Variants in EFCAB6 observed in about 807,000 individuals in gnomAD.
EFCAB6 encodes EF-hand calcium-binding domain-containing protein 6.
EFCAB6 carries 156 observed loss-of-function variants against 169.8 expected under a neutral mutation model. That is an observed-to-expected ratio of 0.92 (90% CI 0.81 to 1.05). The LOEUF is 1.05. EFCAB6 is among the 50% of genes least tolerant of loss of function. The pLI is 0.00. For missense variants in EFCAB6, 1,800 were observed against 1,829.1 expected, an observed-to-expected ratio of 0.98 and a Z score of 0.29; for synonymous variants, 698 against 676.4, an observed-to-expected ratio of 1.03 and a Z score of -0.50.
intron 19 of EFCAB6, among the ~76,000 whole-genome samples, chr22:43,627,150 C>G (rs577177750): frequency 6.6e-6 from 1 of 152,144 alleles, no homozygotes; most frequent in Non-Finnish European, 1.5e-5. Context: ...TTTCGATGAC[C>G]GTGATAGAGA....
chr22:43,699,263 G>C (rs2058683047), intron 10 of EFCAB6, among the ~76,000 whole-genome samples: 1 of 152,172 alleles, frequency 6.6e-6, no homozygotes, highest in Non-Finnish European at 1.5e-5. Flanking sequence ...AGAGGAGAAA[G>C]AAGTGAACTA....
intron 26 of EFCAB6, among the ~76,000 whole-genome samples, chr22:43,566,978 C>T (rs528737944): frequency 3.2e-4 from 48 of 152,264 alleles, no homozygotes; most frequent in African/African-American, 1.0e-3. Flanking sequence ...GAAGCACTAA[C>T]TCTCCTCCCA....
At chr22:43,685,616 C>T (rs554518343) in intron 11 of EFCAB6, among the ~76,000 whole-genome samples, 8 of 152,262 alleles carry the variant, frequency 5.3e-5, no homozygotes, top group African/African-American at 1.9e-4. Flanking sequence ...AAGATCTTGG[C>T]TCTTTGGGCA....
At chr22:43,556,667 T>C (rs1343268638) in intron 26 of EFCAB6, among the ~76,000 whole-genome samples, 1 of 152,234 alleles carries the variant, frequency 6.6e-6, no homozygotes, top group Non-Finnish European at 1.5e-5. Flanking sequence ...GTCTACATAA[T>C]GTATAAAGTC....
At chr22:43,791,600 G>C (rs1031341240) in intron 2 of EFCAB6, among the ~76,000 whole-genome samples, 1 of 152,102 alleles carries the variant, frequency 6.6e-6, no homozygotes, top group Admixed American at 6.6e-5. Flanking sequence ...GTTCTAAGGA[G>C]GAGGGTTGAT....
chr22:43,779,865 C>A (rs2061758485), intron 3 of EFCAB6, among the ~76,000 whole-genome samples: 1 of 152,052 alleles, frequency 6.6e-6, no homozygotes, highest in African/African-American at 2.4e-5. Flanking sequence ...ATAGAAGGTT[C>A]ACATTTTCAA....
At chr22:43,724,524 C>T (rs546418569) in intron 8 of EFCAB6, among the ~76,000 whole-genome samples, 19 of 151,938 alleles carry the variant, frequency 1.3e-4, no homozygotes, top group Admixed American at 7.2e-4. Flanking sequence ...CACGCCACCA[C>T]GCCCAGCTAA....
rs1363027019 is a variant in EFCAB6, at chr22:43,744,078, TG to T, written c.508-8086del. On this transcript the variant is annotated intron_variant, in intron 6 of 31. Coordinates refer to ENST00000262726, the MANE Select transcript of EFCAB6 (RefSeq NM_022785.4). The surrounding 1 kb of genome is among the most constrained non-coding windows in gnomAD (Gnocchi z 4.3). ...ATGCATGGATGGATGAACGGATGAATGGATGAATGATGAATGAATGAATGAA... is the reference window on the plus strand; with the variant it reads ...ATGCATGGATGGATGAACGGATGAATGATGAATGATGAATGAATGAATGAA... Among the ~76,000 whole-genome samples the T allele has an allele frequency of 1.4e-3, 213 of 148,364 alleles. No individual in the cohort carries two copies. Among genetic ancestry groups the T allele is most frequent in the African/African-American group, 5.2e-3 (209 of 40,068 alleles).
At chr22:43,732,038 G>C (rs1252954603) in intron 7 of EFCAB6, among the ~76,000 whole-genome samples, 1 of 152,074 alleles carries the variant, frequency 6.6e-6, no homozygotes, top group Non-Finnish European at 1.5e-5. Context: ...ATAGAAATTA[G>C]AGTGAGACAG....
intron 10 of EFCAB6, among the ~76,000 whole-genome samples, chr22:43,701,576 T>G (rs530046864): frequency 6.6e-6 from 1 of 152,108 alleles, no homozygotes; most frequent in African/African-American, 2.4e-5. Context: ...GATAAGAATT[T>G]AATATATGGC....
intron 8 of EFCAB6, among the ~76,000 whole-genome samples, chr22:43,726,681 A>G (rs1409939223): frequency 1.3e-5 from 2 of 152,220 alleles, no homozygotes; most frequent in East Asian, 1.9e-4. Context: ...ACCCAAAAGG[A>G]AGAGAGGCAT....
intron 23 of EFCAB6, among the ~76,000 whole-genome samples, chr22:43,592,837 G>A (rs1425382759): frequency 6.6e-6 from 1 of 152,176 alleles, no homozygotes; most frequent in Non-Finnish European, 1.5e-5. Flanking sequence ...TTGCTATTCT[G>A]ATTCTGAGAT....
At chr22:43,677,517 G>A (rs1317670350) in intron 13 of EFCAB6, among the ~76,000 whole-genome samples, 2 of 152,086 alleles carry the variant, frequency 1.3e-5, no homozygotes, top group East Asian at 1.9e-4. Context: ...GTAGCAGCAC[G>A]TGCCTGTAGT....
intron 24 of EFCAB6, among the ~76,000 whole-genome samples, chr22:43,583,679 T>A (rs1453087226): frequency 6.6e-6 from 1 of 152,092 alleles, no homozygotes; most frequent in Non-Finnish European, 1.5e-5. Context: ...AGTGCCTTCA[T>A]AAAGGAGGCC....
chr22:43,581,018 G>A (rs2050687258), intron 24 of EFCAB6, among the ~76,000 whole-genome samples: 1 of 152,216 alleles, frequency 6.6e-6, no homozygotes, highest in Non-Finnish European at 1.5e-5. Context: ...ACGGGGGCAC[G>A]TGAAAGTATG....
At chr22:43,687,378 T>G (rs1295644721) in intron 11 of EFCAB6, 93 bp downstream of exon 11, 3 of 773,278 alleles carry the variant, frequency 3.9e-6, no homozygotes, top group Non-Finnish European at 5.9e-6. Flanking sequence ...GATCATTCAA[T>G]AAATGCAGAA....
intron 11 of EFCAB6, 96 bp downstream of exon 11, chr22:43,687,375 C>T: frequency 1.3e-6 from 1 of 741,942 alleles, no homozygotes; most frequent in Non-Finnish European, 2.1e-6. Context: ...ATCGATCATT[C>T]AATAAATGCA....
At chr22:43,631,817 T>C (rs1015571027) in intron 19 of EFCAB6, among the ~76,000 whole-genome samples, 1 of 152,010 alleles carries the variant, frequency 6.6e-6, no homozygotes, top group Non-Finnish European at 1.5e-5. Flanking sequence ...TCAAAGTCAC[T>C]GTACCATGGG....
At chr22:43,711,660 A>ACTTCACGGAGC (rs1556248091) in intron 9 of EFCAB6, 37 bp from the exon 10 acceptor site, 1 of 1,564,960 alleles carries the variant, frequency 6.4e-7, no homozygotes, top group Non-Finnish European at 8.6e-7. Flanking sequence ...GCGTTCATAA[A>ACTTCACGGAGC]TATCAACTTC....
Sources: gnomAD v4.1 joint callset for allele counts (sites outside exome capture counted in the v4.1 genomes callset) on GRCh38, gnomAD v4.1.1 for gene constraint, Gnocchi (gnomAD v3.1) non-coding constraint, MANE v1.5 for transcripts, NCBI Gene and HGNC (gene_info 2026-07-23, HGNC 2026-07-21) for gene names.